Variants in NIPBL observed in about 807,000 individuals in gnomAD.
NIPBL encodes the protein nipped-B-like protein.
A neutral mutation model predicts 321.8 loss-of-function variants in NIPBL; 19 were observed. The ratio of observed to expected loss-of-function variants is 0.06; its 90% CI spans 0.04 to 0.09. The LOEUF (loss-of-function observed/expected upper bound fraction) is 0.09, where lower values mean the gene tolerates loss of function less well. NIPBL is among the 10% of genes least tolerant of loss of function. The pLI is 1.00. For missense variants in NIPBL, 2,210 were observed against 3,327.0 expected (o/e 0.66, Z 8.26); for synonymous variants, 1,106 against 1,114.1 (o/e 0.99, Z 0.14).
At position 37,036,366 on chromosome 5, in the gene NIPBL, T is replaced by TAC; in HGVS notation, c.5863-12_5863-11insCA. The TAC allele has an allele frequency of 1.6e-6, 1 of 620,794 alleles. No individual in the cohort carries two copies. Among genetic ancestry groups the TAC allele is most frequent in the Non-Finnish European group, 2.3e-6 (1 of 427,144 alleles). 38.5% of individuals were successfully genotyped at this position (620,794 alleles called of 1,614,324 possible). ...ATATATGTATATATATATATATATA[T>TAC]ATGTATATATAGTTGTTGAAGTCCG... On this transcript the variant is annotated splice_polypyrimidine_tract_variant and intron_variant, in intron 32 of 46. Coordinates refer to ENST00000282516, the MANE Select transcript of NIPBL (RefSeq NM_133433.4).
At chr5:36,879,305 A>C (rs1180293997) in intron 1 of NIPBL, among the ~76,000 whole-genome samples, 1 of 151,912 alleles carries the variant, frequency 6.6e-6, no homozygotes, top group African/African-American at 2.4e-5. Context: ...TTTTCCTGAG[A>C]CTTTGGAATT....
At chr5:36,948,405 A>C (rs2149590762) in intron 1 of NIPBL, among the ~76,000 whole-genome samples, 1 of 152,066 alleles carries the variant, frequency 6.6e-6, no homozygotes, top group African/African-American at 2.4e-5. Context: ...TAAAAGGAAA[A>C]TGCTTTAGTT....
intron 10 of NIPBL, among the ~76,000 whole-genome samples, chr5:36,987,281 T>C (rs767142400): frequency 6.6e-6 from 1 of 152,202 alleles, no homozygotes; most frequent in African/African-American, 2.4e-5. Context: ...TTTATACTTA[T>C]ATATAACCAA....
At chr5:36,882,357 A>G (rs1745572752) in intron 1 of NIPBL, among the ~76,000 whole-genome samples, 1 of 151,848 alleles carries the variant, frequency 6.6e-6, no homozygotes, top group Admixed American at 6.6e-5. Flanking sequence ...TGTGCGAGGG[A>G]AAAGGTTTTT....
intron 32 of NIPBL, among the ~76,000 whole-genome samples, chr5:37,034,826 A>G (rs888246583): frequency 6.6e-6 from 1 of 152,224 alleles, no homozygotes. Flanking sequence ...ATTTGGATTC[A>G]AAGTATGCCA....
intron 1 of NIPBL, among the ~76,000 whole-genome samples, chr5:36,917,455 G>C (rs1326900733): frequency 3.9e-5 from 6 of 152,102 alleles, no homozygotes; most frequent in African/African-American, 1.4e-4. Context: ...TCACTCTGAT[G>C]GTAGTTTCTT....
At chr5:36,976,452 T>TA in intron 9 of NIPBL, 50 bp downstream of exon 9, 1 of 1,587,046 alleles carries the variant, frequency 6.3e-7, no homozygotes, top group African/African-American at 1.3e-5. Context: ...AATATGTAAT[T>TA]ATAGTGTCAA....
chr5:36,930,182 A>T (rs1193658320), intron 1 of NIPBL, among the ~76,000 whole-genome samples: 6 of 152,058 alleles, frequency 3.9e-5, no homozygotes, highest in Admixed American at 1.3e-4. Context: ...CCATATTAAC[A>T]ATTTTGAGTC....
chr5:37,013,321 A>G (rs1428609565), intron 21 of NIPBL, among the ~76,000 whole-genome samples: 1 of 148,872 alleles, frequency 6.7e-6, no homozygotes, highest in East Asian at 2.1e-4. Context: ...TCCCTCCCGG[A>G]CGGGGCGGCT....
chr5:36,985,304 A>C lies in NIPBL; in HGVS notation c.2124A>C (p.Glu708Asp). ...SRPETPKQKG[E>D]SRPETPKQKS... ...CTGAAACCCCAAAGCAAAAGGGTGAAAGCCGGCCTGAGACTCCAAAACAAA... is the reference window on the plus strand; with the variant it reads ...CTGAAACCCCAAAGCAAAAGGGTGACAGCCGGCCTGAGACTCCAAAACAAA... The change falls in exon 10 of 47, where the codon GAA (glutamate) becomes GAC (aspartate). Residue 708 changes from glutamate (E) to aspartate (D), a missense_variant. By Grantham distance (45) the Glu-to-Asp change is conservative (BLOSUM62 2). Transcript: ENST00000282516. 1.9e-6 allele frequency: 3 copies of C among 1,613,700 alleles called. No individual in the cohort carries two copies. Among genetic ancestry groups the C allele is most frequent in the Non-Finnish European group, 2.5e-6 (3 of 1,179,934 alleles).
chr5:36,949,749 G>A (rs1348694499), intron 1 of NIPBL, among the ~76,000 whole-genome samples: 1 of 151,950 alleles, frequency 6.6e-6, no homozygotes, highest in East Asian at 1.9e-4. Context: ...CAGATAATAA[G>A]AATGCCTTTT....
intron 38 of NIPBL, among the ~76,000 whole-genome samples, chr5:37,047,164 T>G (rs1753065827): frequency 6.6e-6 from 1 of 152,208 alleles, no homozygotes; most frequent in Non-Finnish European, 1.5e-5. Flanking sequence ...TATCAGGGAC[T>G]TGAGAATCCA....
At chr5:36,987,916 A>G (rs1057303670) in intron 10 of NIPBL, among the ~76,000 whole-genome samples, 1 of 152,128 alleles carries the variant, frequency 6.6e-6, no homozygotes, top group African/African-American at 2.4e-5. Flanking sequence ...TTTCTTTAAA[A>G]TTTTTTAGTG....
At chr5:36,995,905 C>T (rs749030300) in intron 11 of NIPBL, 101 bp downstream of exon 11, 13 of 965,094 alleles carry the variant, frequency 1.3e-5, no homozygotes, top group Non-Finnish European at 1.9e-5. Context: ...GCACAGTCAC[C>T]TTAATTCTTA....
rs1368031980 is a variant in NIPBL, at chr5:36,985,990, A to C, written c.2810A>C (p.Asn937Thr). The change falls in exon 10 of 47, where the codon AAT becomes ACT. Residue 937 changes from asparagine (N) to threonine (T), a missense_variant. By Grantham distance (65) the Asn-to-Thr change is moderately conservative (BLOSUM62 0). Transcript: ENST00000282516. ...GACACTAATAAAGCACACCCTGACA[A>C]TAAGGCAGAATTTCCAAGTTATTTG... is the stretch of plus-strand genomic sequence containing the variant. ...KVDTNKAHPD[N>T]KAEFPSYLLG... is the part of the protein sequence containing the mutation. The C allele has an allele frequency of 1.2e-6, 2 of 1,614,018 alleles. No individual in the cohort carries two copies. The highest frequency in any genetic ancestry group is 1.7e-6 in the Non-Finnish European group (2 of 1,179,954).
At chr5:36,969,887 T>A (rs1469619717) in intron 6 of NIPBL, among the ~76,000 whole-genome samples, 1 of 152,200 alleles carries the variant, frequency 6.6e-6, no homozygotes, top group African/African-American at 2.4e-5. Context: ...TTAGTAAGGT[T>A]AAAATATGCA....
chr5:36,884,836 G>T (rs1745769461), intron 1 of NIPBL, among the ~76,000 whole-genome samples: 1 of 151,986 alleles, frequency 6.6e-6, no homozygotes, highest in African/African-American at 2.4e-5. Flanking sequence ...TCTTGCTTTG[G>T]GGGTAGGAAT....
At chr5:36,896,033 A>G (rs758451127) in intron 1 of NIPBL, among the ~76,000 whole-genome samples, 1 of 151,984 alleles carries the variant, frequency 6.6e-6, no homozygotes, top group Non-Finnish European at 1.5e-5. Flanking sequence ...ATCCAAGGAC[A>G]GGAAAAGTTA....
At chr5:36,942,161 A>C (rs931561992) in intron 1 of NIPBL, among the ~76,000 whole-genome samples, 20 of 151,412 alleles carry the variant, frequency 1.3e-4, no homozygotes, top group Admixed American at 1.3e-4. Context: ...GGCCAGGTGC[A>C]GTGGCTCATG....
Sources: allele counts gnomAD v4.1 joint callset (sites outside exome capture counted in the v4.1 genomes callset), GRCh38; gene constraint gnomAD v4.1.1; transcripts MANE v1.5; gene names NCBI Gene and HGNC (gene_info 2026-07-23, HGNC 2026-07-21).